C1QTNF2: variants seen among roughly 807,000 people sequenced by gnomAD.
C1QTNF2 encodes complement C1q tumor necrosis factor-related protein 2.
A neutral mutation model predicts 17.4 loss-of-function variants in C1QTNF2; 15 were observed. The ratio of observed to expected loss-of-function variants is 0.86; its 90% CI spans 0.58 to 1.33. The LOEUF (loss-of-function observed/expected upper bound fraction) is 1.33. C1QTNF2 is among the 40% of genes most tolerant of loss of function. C1QTNF2 has a pLI of 0.00. For missense variants in C1QTNF2, 381 were observed against 392.3 expected (o/e 0.97, Z 0.24); for synonymous variants, 154 against 163.3 (o/e 0.94, Z 0.44).
chr5:160,365,939 G>A (rs995925431), intron 1 of C1QTNF2, among the ~76,000 whole-genome samples: 5 of 141,210 alleles, frequency 3.5e-5, no homozygotes, highest in African/African-American at 1.3e-4. Flanking sequence ...TTCTTCAGCA[G>A]GTGAGCTTTT....
intron 1 of C1QTNF2, among the ~76,000 whole-genome samples, chr5:160,366,948 C>T (rs957519966): frequency 6.9e-6 from 1 of 144,348 alleles, no homozygotes; most frequent in Non-Finnish European, 1.5e-5. Context: ...TGCTTGAGTC[C>T]AGGAGGCAGA....
Position 160,370,575 on chromosome 5 carries a change from G to A in C1QTNF2, c.-73C>T. On this transcript the variant is annotated 5_prime_UTR_variant, in exon 1 of 3. The change creates a new upstream start codon in the 5' untranslated region. Transcript: ENST00000652664. ...AAAGAAGCTCTCGGCGGGGCTCCGC[G>A]TCCCGGCTTTCCTCAGCGGCAGCAG... The A allele has an allele frequency of 2.8e-6, 4 of 1,450,436 alleles. No individual in the cohort carries two copies. Among genetic ancestry groups the A allele is most frequent in the Non-Finnish European group, 3.6e-6 (4 of 1,109,442 alleles). 89.8% of individuals were successfully genotyped at this position (1,450,436 alleles called of 1,614,324 possible). A position where few individuals can be genotyped will look rare whatever the true frequency, so the allele number is the denominator to read the frequency against.
intron 1 of C1QTNF2, among the ~76,000 whole-genome samples, chr5:160,357,408 T>C (rs1321911414): frequency 1.3e-5 from 2 of 152,030 alleles, no homozygotes; most frequent in Non-Finnish European, 2.9e-5. Context: ...GGATAAATAA[T>C]AGTAGAGATG....
intron 1 of C1QTNF2, among the ~76,000 whole-genome samples, chr5:160,363,678 C>A (rs1433591900): frequency 5.3e-5 from 8 of 152,206 alleles, no homozygotes; most frequent in African/African-American, 1.9e-4. Flanking sequence ...GTGGAGCCCA[C>A]CCCCTGGGCC....
At chr5:160,359,671 C>T (rs1020611415) in intron 1 of C1QTNF2, among the ~76,000 whole-genome samples, 3 of 152,200 alleles carry the variant, frequency 2.0e-5, no homozygotes, top group Admixed American at 6.5e-5. Flanking sequence ...GAGAGGCCCA[C>T]ACTTGGATTA....
At chr5:160,352,120 A>G (rs1763936058) in intron 2 of C1QTNF2, among the ~76,000 whole-genome samples, 1 of 152,134 alleles carries the variant, frequency 6.6e-6, no homozygotes, top group African/African-American at 2.4e-5. Flanking sequence ...TATGTTGCCC[A>G]GTCTGGTCTC....
chr5:160,349,447 C>A lies in C1QTNF2; in HGVS notation c.579G>T (p.Gly193=). 1.2e-6 allele frequency: 2 copies of A among 1,613,992 alleles called. No individual in the cohort carries two copies. The highest frequency in any genetic ancestry group is 1.7e-6 in the Non-Finnish European group (2 of 1,180,008). The stretch of plus-strand genomic sequence containing the variant: ...TGATGTCGTAGGTGAAGTAGTAGAT[C>A]CCAGGCACGCCGCAGACGAACTTGC... The part of the protein sequence containing the change: ...SSGKFVCGVP[G]IYYFTYDITL... Residue 193 remains glycine (G), a synonymous_variant, in exon 3 of 3, where the codon GGG becomes GGT. Coordinates refer to ENST00000652664, the MANE Select transcript of C1QTNF2 (RefSeq NM_031908.6). The surrounding 1 kb of genome is among the most constrained non-coding windows in gnomAD (Gnocchi z 4.3).
Position 160,354,593 on chromosome 5 carries a change from AAAAAGT to A in C1QTNF2, c.244+169_244+174del, listed in dbSNP as rs1187430153. Among the ~76,000 whole-genome samples, 213 of 30,552 alleles carry A rather than the reference AAAAAGT, an allele frequency of 7.0e-3. 6 individuals carry two copies. In the South Asian group the frequency reaches 0.072, roughly 10 times the overall value. The allele number at this position is 30,552 out of a possible 152,430, so 20.0% of individuals were successfully genotyped here. A position where few individuals can be genotyped will look rare whatever the true frequency, so the allele number is the denominator to read the frequency against. ...GCCTCTGTCTCAAGGGGAAAAAAAA[AAAAAGT>A]ATATATATATATATATATATATATA... On this transcript the variant is annotated intron_variant, in intron 2 of 2. Transcript: ENST00000652664.
At chr5:160,354,253 C>G (rs1763982786) in intron 2 of C1QTNF2, among the ~76,000 whole-genome samples, 1 of 151,996 alleles carries the variant, frequency 6.6e-6, no homozygotes, top group Non-Finnish European at 1.5e-5. Flanking sequence ...GGCAGGAACA[C>G]AAAATTCAAT....
At chr5:160,352,069 C>G (rs1228036919) in intron 2 of C1QTNF2, among the ~76,000 whole-genome samples, 1 of 152,092 alleles carries the variant, frequency 6.6e-6, no homozygotes, top group Admixed American at 6.5e-5. Context: ...CACCACCACA[C>G]TTAGTTAATT....
intron 1 of C1QTNF2, among the ~76,000 whole-genome samples, chr5:160,363,450 AT>A (rs1206976457): frequency 6.6e-6 from 1 of 152,124 alleles, no homozygotes; most frequent in Non-Finnish European, 1.5e-5. Flanking sequence ...TTGATCTGCT[AT>A]TTTCTCTCTC....
intron 1 of C1QTNF2, among the ~76,000 whole-genome samples, chr5:160,364,969 GC>G (rs1764220390): frequency 6.6e-6 from 1 of 152,190 alleles, no homozygotes; most frequent in Admixed American, 6.5e-5. Flanking sequence ...TATTATTACT[GC>G]CTTTGAGGCC....
intron 1 of C1QTNF2, among the ~76,000 whole-genome samples, chr5:160,362,590 C>A (rs554012474): frequency 6.6e-6 from 1 of 152,328 alleles, no homozygotes; most frequent in South Asian, 2.1e-4. Flanking sequence ...CGCCTGGACA[C>A]TGGCTGGGGT....
At chr5:160,364,093 TATC>T (rs1764204612) in intron 1 of C1QTNF2, among the ~76,000 whole-genome samples, 1 of 152,206 alleles carries the variant, frequency 6.6e-6, no homozygotes, top group South Asian at 2.1e-4. Flanking sequence ...ATTTCCCAAA[TATC>T]ATCATTTCAA....
chr5:160,351,250 T>C (rs1167535970), intron 2 of C1QTNF2, among the ~76,000 whole-genome samples: 1 of 152,218 alleles, frequency 6.6e-6, no homozygotes, highest in South Asian at 2.1e-4. Context: ...TGGCTACTGA[T>C]TGCATAAAAT....
chr5:160,360,297 G>A (rs1486135832), intron 1 of C1QTNF2, among the ~76,000 whole-genome samples: 3 of 152,210 alleles, frequency 2.0e-5, no homozygotes, highest in Non-Finnish European at 4.4e-5. Flanking sequence ...CACAGTGAAT[G>A]TTCAAGAAAT....
At chr5:160,356,108 A>G (rs1204333547) in intron 1 of C1QTNF2, among the ~76,000 whole-genome samples, 1 of 152,256 alleles carries the variant, frequency 6.6e-6, no homozygotes, top group Non-Finnish European at 1.5e-5. Context: ...GCATACGCAG[A>G]AACTGAGACC....
chr5:160,355,306 G>A, intron 1 of C1QTNF2: 2 of 925,206 alleles, frequency 2.2e-6, no homozygotes, highest in Non-Finnish European at 2.6e-6. Flanking sequence ...TGAAATGGAT[G>A]CAGAACTTAT....
chr5:160,353,913 C>T (rs1490747934), intron 2 of C1QTNF2, among the ~76,000 whole-genome samples: 1 of 149,046 alleles, frequency 6.7e-6, no homozygotes, highest in Non-Finnish European at 1.5e-5. Context: ...AAGCAATTCT[C>T]CTACCTCAGC....
Sources: allele counts gnomAD v4.1 joint callset (sites outside exome capture counted in the v4.1 genomes callset), GRCh38; gene constraint gnomAD v4.1.1; non-coding constraint Gnocchi (gnomAD v3.1); transcripts MANE v1.5; gene names NCBI Gene and HGNC (gene_info 2026-07-23, HGNC 2026-07-21).